FBN2: variants seen among roughly 807,000 people sequenced by gnomAD.
The protein encoded by FBN2 is fibrillin-2.
FBN2 carries 105 observed loss-of-function variants against 355.6 expected under a neutral mutation model. The observed-to-expected ratio is 0.30, with a 90% CI of 0.25 to 0.35. The LOEUF (loss-of-function observed/expected upper bound fraction) is 0.35. Ranked by LOEUF, FBN2 falls within the 10% of genes least tolerant of loss-of-function variation. FBN2 has a pLI of 1.00. For missense variants in FBN2, 3,280 were observed against 3,758.7 expected, an observed-to-expected ratio of 0.87 and a Z score of 3.33; for synonymous variants, 1,350 against 1,301.2, an observed-to-expected ratio of 1.04 and a Z score of -0.81.
chr5:128,299,102 T>C (rs1247084000), intron 48 of FBN2, among the ~76,000 whole-genome samples: 7 of 152,028 alleles, frequency 4.6e-5, no homozygotes, highest in South Asian at 4.2e-4. Flanking sequence ...GTGTGAGGTG[T>C]CAGTCTGCCC....
At chr5:128,526,415 C>G (rs909222867) in intron 4 of FBN2, among the ~76,000 whole-genome samples, 1 of 152,068 alleles carries the variant, frequency 6.6e-6, no homozygotes, top group Non-Finnish European at 1.5e-5. Context: ...CCCAAAAGAA[C>G]TTAAAGCAAG....
chr5:128,340,560 G>A (rs956072657), intron 25 of FBN2, among the ~76,000 whole-genome samples: 3 of 152,138 alleles, frequency 2.0e-5, no homozygotes, highest in Non-Finnish European at 4.4e-5. Context: ...CTAGGGTGGA[G>A]CAGGGACAAT....
At chr5:128,413,475 G>A (rs1207716589) in intron 7 of FBN2, among the ~76,000 whole-genome samples, 1 of 152,166 alleles carries the variant, frequency 6.6e-6, no homozygotes, top group African/African-American at 2.4e-5. Context: ...GAAGTCTTCA[G>A]TAATGTGAAG....
At chr5:128,317,822 T>C (rs542590321) in intron 36 of FBN2, among the ~76,000 whole-genome samples, 98 of 152,284 alleles carry the variant, frequency 6.4e-4, no homozygotes, top group African/African-American at 2.3e-3. Context: ...GAAATAGATA[T>C]TCTAACAGCT....
At chr5:128,463,771 T>C (rs1441268894) in intron 6 of FBN2, among the ~76,000 whole-genome samples, 3 of 152,218 alleles carry the variant, frequency 2.0e-5, no homozygotes, top group Non-Finnish European at 4.4e-5. Flanking sequence ...TCTTCACTTG[T>C]GACACAGCTT....
At chr5:128,489,209 A>G (rs1755434452) in intron 5 of FBN2, among the ~76,000 whole-genome samples, 1 of 152,166 alleles carries the variant, frequency 6.6e-6, no homozygotes. Flanking sequence ...GCCAGTTCTA[A>G]GAAGCAAATT....
At chr5:128,325,714 A>T (rs559129400) in intron 34 of FBN2, among the ~76,000 whole-genome samples, 1 of 152,178 alleles carries the variant, frequency 6.6e-6, no homozygotes, top group South Asian at 2.1e-4. Flanking sequence ...AATTATACTG[A>T]TGTTTATAGT....
intron 5 of FBN2, among the ~76,000 whole-genome samples, chr5:128,469,300 G>T (rs527778902): frequency 6.6e-6 from 1 of 152,228 alleles, no homozygotes; most frequent in South Asian, 2.1e-4. Context: ...AGAGGAGATT[G>T]GTGAAGGATG....
At chr5:128,392,463 A>T (rs1014125840) in intron 10 of FBN2, among the ~76,000 whole-genome samples, 1 of 152,226 alleles carries the variant, frequency 6.6e-6, no homozygotes, top group African/African-American at 2.4e-5. Flanking sequence ...CTGAATATTC[A>T]GATATAGTAA....
In FBN2 at chr5:128,438,905, C is replaced by G. The variant is rs547379370; in HGVS notation, c.952+7576G>C. On this transcript the variant is annotated intron_variant, in intron 7 of 64. Coordinates refer to ENST00000262464, the MANE Select transcript of FBN2 (RefSeq NM_001999.4). ...TTTTCCAAGCCAGACAATTTCACCC[C>G]CAACAATATCCAATGCCACAGACTT... is the stretch of plus-strand genomic sequence containing the variant. Among the ~76,000 whole-genome samples the G allele has an allele frequency of 3.3e-5, 5 of 152,196 alleles. No homozygotes were observed. The South Asian group carries it at 1.0e-3, about 32-fold the overall frequency.
At chr5:128,449,796 CT>C (rs1754190441) in intron 6 of FBN2, among the ~76,000 whole-genome samples, 1 of 151,732 alleles carries the variant, frequency 6.6e-6, no homozygotes, top group Non-Finnish European at 1.5e-5. Context: ...TTTAGGCTGT[CT>C]ACAAGAAAAC....
rs1755137326 is a variant in FBN2 at position 128,480,103 on chromosome 5, A to G, written c.629-15182T>C. Among the ~76,000 whole-genome samples, 5 of 142,388 alleles carry G rather than the reference A, an allele frequency of 3.5e-5. No homozygotes were observed. The South Asian group carries it at 1.1e-3, about 31-fold the overall frequency. 93.4% of individuals were successfully genotyped at this position (142,388 alleles called of 152,430 possible). A position where few individuals can be genotyped will look rare whatever the true frequency, so the allele number is the denominator to read the frequency against. On this transcript the variant is annotated intron_variant, in intron 5 of 64. Transcript: ENST00000262464. ...TATATATAATATATATATTCTCTCC[A>G]TATATATAATATATATATCCTCTCT...
chr5:128,295,493 G>C (rs1201273400), intron 48 of FBN2, among the ~76,000 whole-genome samples: 4 of 148,456 alleles, frequency 2.7e-5, no homozygotes, highest in Non-Finnish European at 4.4e-5. Context: ...CCACTTGTTT[G>C]TATCCTCTTT....
At chr5:128,335,032 G>T in intron 30 of FBN2, 138 bp downstream of exon 30, 1 of 1,328,636 alleles carries the variant, frequency 7.5e-7, no homozygotes, top group South Asian at 1.2e-5. Flanking sequence ...TTCTTCCTGA[G>T]ATTTTACAGT....
chr5:128,470,951 A>G (rs1754845574), intron 5 of FBN2, among the ~76,000 whole-genome samples: 1 of 151,918 alleles, frequency 6.6e-6, no homozygotes, highest in South Asian at 2.1e-4. Context: ...ACTGCAAGTC[A>G]GATAACGCCA....
At chr5:128,474,796 C>T (rs921630635) in intron 5 of FBN2, among the ~76,000 whole-genome samples, 1 of 152,176 alleles carries the variant, frequency 6.6e-6, no homozygotes, top group African/African-American at 2.4e-5. Flanking sequence ...TGGCATGTAA[C>T]TTCCAATACA....
chr5:128,530,504 G>C, intron 3 of FBN2, 91 bp downstream of exon 3: 1 of 848,440 alleles, frequency 1.2e-6, no homozygotes, highest in Non-Finnish European at 2.0e-6. Context: ...AGTAATAACA[G>C]TTAAAACTCC....
intron 19 of FBN2, among the ~76,000 whole-genome samples, chr5:128,358,652 T>C (rs189870128): frequency 6.6e-6 from 1 of 152,140 alleles, no homozygotes; most frequent in East Asian, 1.9e-4. Context: ...TTTGTAAATA[T>C]AGCACAGATT....
chr5:128,271,885 A>T, intron 62 of FBN2, 114 bp downstream of exon 62: 2 of 1,243,318 alleles, frequency 1.6e-6, no homozygotes, highest in Non-Finnish European at 2.4e-6. Context: ...GACTGGGTTT[A>T]AAGTCTAAAA....
Sources: gnomAD v4.1 joint callset for allele counts (sites outside exome capture counted in the v4.1 genomes callset) on GRCh38, gnomAD v4.1.1 for gene constraint, MANE v1.5 for transcripts, NCBI Gene and HGNC (gene_info 2026-07-23, HGNC 2026-07-21) for gene names.